The following ALS2CL variants were observed in gnomAD, a reference collection of about 807,000 sequenced individuals.
The protein encoded by ALS2CL is ALS2 C-terminal-like protein.
A neutral mutation model predicts 127.9 loss-of-function variants in ALS2CL; 112 were observed. The ratio of observed to expected loss-of-function variants is 0.88; its 90% confidence interval spans 0.75 to 1.02. ALS2CL has a LOEUF of 1.02. Among genes scored for constraint, ALS2CL ranks in the 50% least tolerant of loss-of-function variants. The pLI, the probability that ALS2CL is intolerant of heterozygous loss-of-function variation, is 0.00. For missense variants in ALS2CL, 1,174 were observed against 1,236.7 expected, an observed-to-expected ratio of 0.95 and a Z score of 0.76; for synonymous variants, 519 against 527.6, an observed-to-expected ratio of 0.98 and a Z score of 0.22.
chr3:46,683,129 C>T lies in ALS2CL; in HGVS notation c.1109+1G>A, dbSNP rs1221479257. 1.3e-6 allele frequency: 2 copies of T among 1,558,234 alleles called. No homozygotes were observed. Among genetic ancestry groups the T allele is most frequent in the Non-Finnish European group, 1.7e-6 (2 of 1,154,226 alleles). ...TGCCACCCAGAGCTCCAGCCACTCA[C>T]TTGCCGTGGGGCCGGCCCCTGCACC... On this transcript the variant is annotated splice_donor_variant, in intron 10 of 25. Transcript: ENST00000318962. LOFTEE classifies it high-confidence loss of function.
rs1559480438 is a variant in ALS2CL at position 46,686,168 on chromosome 3, C to A, written c.666+140G>T. The A allele has an allele frequency of 7.8e-7, 1 of 1,285,172 alleles. No homozygotes were observed. The highest frequency in any genetic ancestry group is 1.0e-6 in the Non-Finnish European group (1 of 954,382). 79.6% of individuals were successfully genotyped at this position (1,285,172 alleles called of 1,614,324 possible). A position where few individuals can be genotyped will look rare whatever the true frequency, so the allele number is the denominator to read the frequency against. ...ATGGCTGGACAGAGGGACCTTACAG[C>A]CACCTGCTTCAGCCATCACTCCCCC... On this transcript the variant is annotated intron_variant, in intron 6 of 25. Transcript: ENST00000318962. The surrounding 1 kb of genome is among the most constrained non-coding windows in gnomAD (Gnocchi z 4.3).
chr3:46,680,768 G>A, intron 13 of ALS2CL: 1 of 574,112 alleles, frequency 1.7e-6, no homozygotes, highest in Non-Finnish European at 3.1e-6. Context: ...TCTCCGTGGA[G>A]GTGGCAGGAA....
At chr3:46,674,935 T>G in intron 20 of ALS2CL, 196 bp from the exon 21 acceptor site, 1 of 491,470 alleles carries the variant, frequency 2.0e-6, no homozygotes, top group Non-Finnish European at 3.4e-6. Context: ...CATTCCCTCC[T>G]TTGACTTTGA....
intron 25 of ALS2CL, 63 bp from the exon 26 acceptor site, chr3:46,671,127 A>T: frequency 6.6e-7 from 1 of 1,522,458 alleles, no homozygotes; most frequent in Non-Finnish European, 9.1e-7. Context: ...CATGCACAGG[A>T]TCTAGGGCTC....
Position 46,670,579 on chromosome 3 carries a change from G to A in ALS2CL, c.*405C>T, listed in dbSNP as rs963425224. On this transcript the variant is annotated 3_prime_UTR_variant, in exon 26 of 26. Transcript: ENST00000318962. This position sits in a 1 kb window ranked among gnomAD's most constrained non-coding sequence, Gnocchi z 5.5. Reference sequence around the variant, plus strand: ...CAGACTAAAGTCAGTTTTCCAAAAGGACTCTGGAATTCAGCAAAATGAATG... The same window carrying A: ...CAGACTAAAGTCAGTTTTCCAAAAGAACTCTGGAATTCAGCAAAATGAATG... The A allele has an allele frequency of 4.6e-5, 9 of 195,032 alleles. No individual in the cohort carries two copies. Among genetic ancestry groups the A allele is most frequent in the African/African-American group, 2.1e-4 (9 of 43,902 alleles). The allele number at this position is 195,032 out of a possible 1,614,324, so 12.1% of individuals were successfully genotyped here.
intron 2 of ALS2CL, among the ~76,000 whole-genome samples, chr3:46,688,805 C>G (rs1026088670): frequency 3.9e-5 from 6 of 152,352 alleles, no homozygotes; most frequent in African/African-American, 1.2e-4. Flanking sequence ...TAGGTGGGAG[C>G]AAGATGAAAA....
In ALS2CL at chr3:46,684,017, G is replaced by A. The variant is rs747470416; in HGVS notation, c.817C>T (p.Leu273=). 2 of 1,570,530 alleles carry A rather than the reference G, an allele frequency of 1.3e-6. No individual in the cohort carries two copies. The highest frequency in any genetic ancestry group is 1.7e-6 in the Non-Finnish European group (2 of 1,156,808). Residue 273 remains leucine, a synonymous_variant, in exon 8 of 26, where the codon CTG becomes TTG. Transcript: ENST00000318962. The part of the protein sequence containing the change: ...GHNVHTFDLK[L]VWVDPGQDGC... ...TCCTGCCCAGGATCCACCCACACCA[G>A]CTTCAGATCAAAGGTGTGGACATTG...
intron 15 of ALS2CL, 137 bp downstream of exon 15, chr3:46,679,073 T>C: frequency 2.4e-6 from 2 of 838,042 alleles, no homozygotes; most frequent in Non-Finnish European, 3.7e-6. Context: ...GTGGAGTTGC[T>C]GTGCCCACTC....
At chr3:46,676,565 C>T in intron 18 of ALS2CL, 77 bp downstream of exon 18, 1 of 1,562,288 alleles carries the variant, frequency 6.4e-7, no homozygotes, top group Admixed American at 1.7e-5. Context: ...CAGCACCCTG[C>T]TATGAAAAAT....
chr3:46,685,713 ACC>A lies in ALS2CL; in HGVS notation c.667-71_667-70del, dbSNP rs1265718148. 1.5e-5 allele frequency: 23 copies of A among 1,548,032 alleles called. No individual in the cohort carries two copies. In the Admixed American group the frequency reaches 4.2e-4, roughly 28 times the overall value. ...CCTGCAAGCTGCCTGCCACTCTGCC[ACC>A]TCCCAATGTACCCCAGACACCTCCC... is the stretch of plus-strand genomic sequence containing the variant. On this transcript the variant is annotated intron_variant, in intron 6 of 25. Coordinates refer to ENST00000318962, the MANE Select transcript of ALS2CL (RefSeq NM_147129.5).
At chr3:46,671,405 G>C in intron 25 of ALS2CL, 83 bp downstream of exon 25, 1 of 1,580,822 alleles carries the variant, frequency 6.3e-7, no homozygotes, top group Non-Finnish European at 8.6e-7. Context: ...TCCCACTATG[G>C]TGTTATGATG....
chr3:46,683,999 C>A lies in ALS2CL; in HGVS notation c.835G>T (p.Gly279Trp). The change falls in exon 8 of 26, where the codon GGG (glycine) becomes TGG (tryptophan). Residue 279 changes from glycine (G) to tryptophan (W), a missense_variant. Coordinates refer to ENST00000318962, the MANE Select transcript of ALS2CL (RefSeq NM_147129.5). The part of the protein sequence containing the change: ...FDLKLVWVDP[G>W]QDGCTFHLLT... ...GAGGGGGTTGCTCACCCGTCCTGCCCAGGATCCACCCACACCAGCTTCAGA... is the reference window on the plus strand; with the variant it reads ...GAGGGGGTTGCTCACCCGTCCTGCCAAGGATCCACCCACACCAGCTTCAGA... The A allele has an allele frequency of 6.3e-7, 1 of 1,581,992 alleles. No individual in the cohort carries two copies. Among genetic ancestry groups the A allele is most frequent in the East Asian group, 2.3e-5 (1 of 42,782 alleles).
chr3:46,671,844 C>T (rs375829865), intron 24 of ALS2CL, 40 bp downstream of exon 24: 1 of 1,609,152 alleles, frequency 6.2e-7, no homozygotes, highest in Non-Finnish European at 8.5e-7. Flanking sequence ...GGGGTGGGAC[C>T]CTGCCCCTGC....
chr3:46,689,367 C>T lies in ALS2CL; in HGVS notation c.74G>A (p.Ser25Asn), dbSNP rs558840783. The T allele has an allele frequency of 2.5e-6, 4 of 1,612,820 alleles. No homozygotes were observed. The highest frequency in any genetic ancestry group is 3.3e-5 in the Admixed American group (2 of 60,010). ...TGGGAGCAGGGGCTGGAGGACAAGG[C>T]TGTTGACATGGGCGAGGGTGGCTGA... ...VFSATLAHVN[S>N]LVLQPLLPAA... Residue 25 changes from serine to asparagine, a missense_variant, in exon 2 of 26, where the codon AGC (serine) becomes AAC (asparagine). Ser to Asn is a conservative substitution (Grantham distance 46). Coordinates refer to ENST00000318962, the MANE Select transcript of ALS2CL (RefSeq NM_147129.5).
chr3:46,671,463 T>G (rs1698383238), intron 25 of ALS2CL, 25 bp downstream of exon 25: 3 of 1,613,268 alleles, frequency 1.9e-6, no homozygotes, highest in Admixed American at 1.7e-5. Flanking sequence ...CATTTCCACC[T>G]CGGTCCACAG....
chr3:46,676,631 A>G lies in ALS2CL; in HGVS notation c.2028+11T>C. On this transcript the variant is annotated intron_variant, in intron 18 of 25. Transcript: ENST00000318962. ...ATGTCACCCCCTTGGCCACCCCAGC[A>G]GGGCTCTCACCTTCCTGAGGTACAG... The G allele has an allele frequency of 6.2e-7, 1 of 1,612,590 alleles. No individual in the cohort carries two copies. Among genetic ancestry groups the G allele is most frequent in the Non-Finnish European group, 8.5e-7 (1 of 1,179,510 alleles).
chr3:46,680,784 G>A, intron 13 of ALS2CL: 1 of 562,174 alleles, frequency 1.8e-6, no homozygotes. Flanking sequence ...AGGAAGGACA[G>A]GGGGAATAGG....
chr3:46,683,926 T>A, intron 8 of ALS2CL, 63 bp downstream of exon 8: 1 of 1,613,304 alleles, frequency 6.2e-7, no homozygotes, highest in South Asian at 1.1e-5. Context: ...TCCCAGGGTG[T>A]GGGCAGGTGT....
At position 46,681,275 on chromosome 3, in the gene ALS2CL, G is replaced by T. The variant is rs565335903; in HGVS notation, c.1407C>A (p.Ser469Arg). Residue 469 changes from serine to arginine, a missense_variant, in exon 13 of 26, where the codon AGC becomes AGA. Physicochemically the swap from Ser to Arg is moderately radical, Grantham distance 110 (BLOSUM62 -1). Transcript: ENST00000318962. The surrounding 1 kb of genome is among the most constrained non-coding windows in gnomAD (Gnocchi z 4.9). ...YTGHWERGQRSGYGIEEDGDR... is the reference protein window; with the variant it reads ...YTGHWERGQRRGYGIEEDGDR... ...CACCATCCTCCTCAATGCCATAGCC[G>T]CTCCTCTGGCCCCTCTCCCAGTGGC... 6.2e-7 allele frequency: 1 copy of T among 1,613,936 alleles called. No individual in the cohort carries two copies. The highest frequency in any genetic ancestry group is 1.1e-5 in the South Asian group (1 of 91,084).
Sources: gnomAD v4.1 joint callset for allele counts (sites outside exome capture counted in the v4.1 genomes callset) on GRCh38, gnomAD v4.1.1 for gene constraint, Gnocchi (gnomAD v3.1) non-coding constraint, MANE v1.5 for transcripts, NCBI Gene and HGNC (gene_info 2026-07-23, HGNC 2026-07-21) for gene names.